The following NRG2 variants were observed in gnomAD, a reference collection of about 807,000 sequenced individuals.
NRG2 encodes the protein neuregulin 2.
NRG2 carries 27 observed loss-of-function variants against 73.9 expected under a neutral mutation model. The ratio of observed to expected loss-of-function variants is 0.37; its 90% CI spans 0.27 to 0.50. NRG2 has a LOEUF of 0.50. Among genes scored for constraint, NRG2 ranks in the 20% least tolerant of loss-of-function variants. The pLI, the probability that NRG2 is intolerant of heterozygous loss-of-function variation, is 0.96. For synonymous variants in NRG2, 532 were observed against 541.0 expected (o/e 0.98, Z 0.23); for missense variants, 1,126 against 1,210.1 (o/e 0.93, Z 1.03).
chr5:139,884,031 T>C (rs535991095), intron 2 of NRG2, among the ~76,000 whole-genome samples: 1 of 152,262 alleles, frequency 6.6e-6, no homozygotes, highest in South Asian at 2.1e-4. Context: ...TCATGCCCAG[T>C]CTCAGTGGGA....
intron 1 of NRG2, among the ~76,000 whole-genome samples, chr5:140,028,638 G>A (rs1760891038): frequency 6.6e-6 from 1 of 152,148 alleles, no homozygotes; most frequent in Non-Finnish European, 1.5e-5. Flanking sequence ...GCCAGGGGGA[G>A]GTTTTGGGTG....
chr5:139,971,526 G>A (rs1755969495), intron 1 of NRG2, among the ~76,000 whole-genome samples: 1 of 152,134 alleles, frequency 6.6e-6, no homozygotes, highest in African/African-American at 2.4e-5. Context: ...GGTCAAACAT[G>A]CCTTTGGCCC....
intron 1 of NRG2, among the ~76,000 whole-genome samples, chr5:139,967,491 G>A (rs570163728): frequency 5.3e-5 from 8 of 152,342 alleles, no homozygotes; most frequent in East Asian, 3.9e-4. Context: ...CGCTGCTGCC[G>A]TGCACAAGGT....
At chr5:140,033,103 T>C (rs1441428139) in intron 1 of NRG2, among the ~76,000 whole-genome samples, 2 of 152,224 alleles carry the variant, frequency 1.3e-5, no homozygotes, top group African/African-American at 4.8e-5. Flanking sequence ...ACCTGTTACA[T>C]GATCACATCT....
At chr5:139,876,144 T>C (rs1320496757) in intron 3 of NRG2, among the ~76,000 whole-genome samples, 1 of 152,056 alleles carries the variant, frequency 6.6e-6, no homozygotes, top group Non-Finnish European at 1.5e-5. Context: ...ATAAATAAAA[T>C]GTGGTATGTC....
intron 3 of NRG2, among the ~76,000 whole-genome samples, chr5:139,877,863 C>T (rs1446102620): frequency 3.9e-5 from 6 of 152,188 alleles, no homozygotes; most frequent in African/African-American, 1.4e-4. Flanking sequence ...TTGGACGAGA[C>T]CAAATCTCCA....
At chr5:139,889,379 T>A (rs183631121) in intron 1 of NRG2, among the ~76,000 whole-genome samples, 49 of 152,240 alleles carry the variant, frequency 3.2e-4, no homozygotes, top group Non-Finnish European at 5.9e-5. Flanking sequence ...ATTCAAGAAG[T>A]GAAAAGAGGT....
intron 1 of NRG2, among the ~76,000 whole-genome samples, chr5:140,005,503 G>A (rs1758825499): frequency 6.6e-6 from 1 of 152,170 alleles, no homozygotes; most frequent in African/African-American, 2.4e-5. Flanking sequence ...GCAAGCTTTT[G>A]GTCTCACAAC....
intron 1 of NRG2, among the ~76,000 whole-genome samples, chr5:140,028,671 G>A (rs781228623): frequency 1.3e-5 from 2 of 152,152 alleles, no homozygotes; most frequent in Non-Finnish European, 2.9e-5. Flanking sequence ...TTTTTCATGT[G>A]TGAGGAATAT....
chr5:140,042,496 G>T lies in NRG2; in HGVS notation c.574C>A (p.Gln192Lys). 6.2e-7 allele frequency: 1 copy of T among 1,613,776 alleles called. No individual in the cohort carries two copies. The highest frequency in any genetic ancestry group is 8.5e-7 in the Non-Finnish European group (1 of 1,179,918). The change falls in exon 1 of 10, where the codon CAG (glutamine) becomes AAG (lysine). Residue 192 changes from glutamine to lysine, a missense_variant. Coordinates refer to ENST00000361474, the MANE Select transcript of NRG2 (RefSeq NM_004883.3). ...VGSCVPLERN[Q>K]RYIFFLEPTE... is the part of the protein sequence containing the mutation. Reference sequence around the variant, plus strand: ...GGCTCCAGGAAAAAGATGTAGCGCTGGTTCCTTTCGAGCGGCACACAGGAG... The same window carrying T: ...GGCTCCAGGAAAAAGATGTAGCGCTTGTTCCTTTCGAGCGGCACACAGGAG...
intron 3 of NRG2, among the ~76,000 whole-genome samples, chr5:139,874,395 A>G (rs570825851): frequency 3.5e-4 from 54 of 152,254 alleles, no homozygotes; most frequent in South Asian, 1.2e-3. Context: ...AGTCTTTCCT[A>G]TCTCCGTGAC....
chr5:139,864,390 T>C (rs1762343842), intron 5 of NRG2, among the ~76,000 whole-genome samples: 1 of 151,106 alleles, frequency 6.6e-6, no homozygotes, highest in Non-Finnish European at 1.5e-5. Context: ...TTCTTCTTTT[T>C]TTTTTTTTTT....
chr5:139,935,345 T>G (rs1752768007), intron 1 of NRG2, among the ~76,000 whole-genome samples: 1 of 152,116 alleles, frequency 6.6e-6, no homozygotes, highest in Admixed American at 6.6e-5. Flanking sequence ...TATAGAAAAC[T>G]TGAACAGTAC....
intron 1 of NRG2, among the ~76,000 whole-genome samples, chr5:139,986,073 G>A (rs1388927081): frequency 6.6e-6 from 1 of 152,208 alleles, no homozygotes; most frequent in East Asian, 1.9e-4. Flanking sequence ...CCAGCTCCAG[G>A]ATTAGCAGAA....
At chr5:140,026,953 G>C (rs76429141) in intron 1 of NRG2, among the ~76,000 whole-genome samples, 3 of 152,168 alleles carry the variant, frequency 2.0e-5, no homozygotes, top group Admixed American at 6.5e-5. Flanking sequence ...AAGAATGTTT[G>C]AGACAAACAA....
At chr5:139,874,142 G>A (rs546168243) in intron 3 of NRG2, among the ~76,000 whole-genome samples, 4 of 152,348 alleles carry the variant, frequency 2.6e-5, no homozygotes, top group Admixed American at 2.6e-4. Context: ...ATTTCCACAC[G>A]GAAGAGCTGC....
chr5:139,848,016 G>A lies in NRG2; in HGVS notation c.2454C>T (p.Ser818=). ...DSPPLCPAAD[S]RTYYSLDSHS... Reference sequence around the variant, plus strand: ...GGCTGTCCAGTGAGTAGTAAGTCCTGCTGTCGGCCGCCGGGCACAGTGGCG... The same window carrying A: ...GGCTGTCCAGTGAGTAGTAAGTCCTACTGTCGGCCGCCGGGCACAGTGGCG... Residue 818 remains serine (S), a synonymous_variant, in exon 10 of 10, where the codon AGC becomes AGT. Coordinates refer to ENST00000361474, the MANE Select transcript of NRG2 (RefSeq NM_004883.3). 1 of 1,512,128 alleles carries A rather than the reference G, an allele frequency of 6.6e-7. No homozygotes were observed. Among genetic ancestry groups the A allele is most frequent in the Non-Finnish European group, 8.8e-7 (1 of 1,134,996 alleles). 93.7% of individuals were successfully genotyped at this position (1,512,128 alleles called of 1,614,324 possible).
intron 2 of NRG2, among the ~76,000 whole-genome samples, chr5:139,886,556 C>T (rs1008588904): frequency 1.3e-5 from 2 of 152,184 alleles, no homozygotes; most frequent in South Asian, 2.1e-4. Flanking sequence ...ACTAGGTCCC[C>T]GGAGCCAACA....
intron 1 of NRG2, among the ~76,000 whole-genome samples, chr5:140,015,197 TA>T (rs1759673580): frequency 6.6e-6 from 1 of 152,202 alleles, no homozygotes; most frequent in Admixed American, 6.5e-5. Context: ...AAATATTATC[TA>T]ATTTGCTTAT....
Sources: allele counts gnomAD v4.1 joint callset (sites outside exome capture counted in the v4.1 genomes callset), GRCh38; gene constraint gnomAD v4.1.1; transcripts MANE v1.5; gene names NCBI Gene and HGNC (gene_info 2026-07-23, HGNC 2026-07-21).